CDK18: variants seen among roughly 807,000 people sequenced by gnomAD.
The protein encoded by CDK18 is cyclin-dependent kinase 18.
In CDK18, 52 loss-of-function variants were observed where a neutral mutation model predicts 62.0. The observed-to-expected ratio is 0.84, with a 90% CI of 0.67 to 1.06. CDK18 has a LOEUF of 1.06. CDK18 is among the 50% of genes least tolerant of loss of function. CDK18 has a pLI of 0.00. For synonymous variants in CDK18, 237 were observed against 247.0 expected, an observed-to-expected ratio of 0.96 and a Z score of 0.38; for missense variants, 604 against 619.9, an observed-to-expected ratio of 0.97 and a Z score of 0.27.
At chr1:205,513,915 C>G (rs973591962) in intron 1 of CDK18, among the ~76,000 whole-genome samples, 5 of 152,240 alleles carry the variant, frequency 3.3e-5, no homozygotes, top group African/African-American at 1.2e-4. Context: ...CTGCCTCAGC[C>G]CATCTCCCGC....
chr1:205,524,369 G>T lies in CDK18; in HGVS notation c.399+12G>T. 6.2e-7 allele frequency: 1 copy of T among 1,614,062 alleles called. No individual in the cohort carries two copies. Among genetic ancestry groups the T allele is most frequent in the South Asian group, 1.1e-5 (1 of 91,080 alleles). On this transcript the variant is annotated intron_variant, in intron 4 of 15. Transcript: ENST00000429964. ...GCCGGGCCTCCCTGGTGAGTCCCAA[G>T]AGGGTCAGAGGACACAAGGTGGGGT...
Position 205,528,802 on chromosome 1 carries a change from G to A in CDK18, c.975-197G>A. 2.1e-6 allele frequency: 1 copy of A among 472,062 alleles called. No individual in the cohort carries two copies. The highest frequency in any genetic ancestry group is 3.8e-6 in the Non-Finnish European group (1 of 266,104). 29.2% of individuals were successfully genotyped at this position (472,062 alleles called of 1,614,324 possible). A position where few individuals can be genotyped will look rare whatever the true frequency, so the allele number is the denominator to read the frequency against. On this transcript the variant is annotated intron_variant, in intron 10 of 15. Coordinates refer to ENST00000429964, the MANE Select transcript of CDK18 (RefSeq NM_212502.3). This position sits in a 1 kb window ranked among gnomAD's most constrained non-coding sequence, Gnocchi z 4.2. ...AAAGTCGCAGCTTTCCCGAGCCCAGGGAAGCCCCCCAGAGAGGGGCTGTAG... is the reference window on the plus strand; with the variant it reads ...AAAGTCGCAGCTTTCCCGAGCCCAGAGAAGCCCCCCAGAGAGGGGCTGTAG...
rs756309168 is a variant in CDK18, at chr1:205,528,959, G to GC, written c.975-36dup. The GC allele has an allele frequency of 2.1e-6, 3 of 1,400,620 alleles. No homozygotes were observed. The highest frequency in any genetic ancestry group is 3.0e-6 in the Non-Finnish European group (3 of 1,014,894). The allele number at this position is 1,400,620 out of a possible 1,614,324, so 86.8% of individuals were successfully genotyped here. ...TGGAGCAGCCCTAGGAAGGGCGGCC[G>GC]CCCCTGCCTGATGCCGACCCTACCC... On this transcript the variant is annotated intron_variant, in intron 10 of 15. Coordinates refer to ENST00000429964, the MANE Select transcript of CDK18 (RefSeq NM_212502.3). The surrounding 1 kb of genome is among the most constrained non-coding windows in gnomAD (Gnocchi z 4.2).
chr1:205,516,806 G>A lies in CDK18; in HGVS notation c.-21-6341G>A, dbSNP rs1387284986. 6.6e-6 allele frequency: 1 copy of A among 152,350 alleles called. No homozygotes were observed. Among genetic ancestry groups the A allele is most frequent in the Non-Finnish European group, 1.5e-5 (1 of 68,168 alleles). The allele number at this position is 152,350 out of a possible 1,614,324, so 9.4% of individuals were successfully genotyped here. On this transcript the variant is annotated intron_variant, in intron 1 of 15. Coordinates refer to ENST00000429964, the MANE Select transcript of CDK18 (RefSeq NM_212502.3). This position sits in a 1 kb window ranked among gnomAD's most constrained non-coding sequence, Gnocchi z 4.8. ...GGCCCCAGATCTTGAAGGGCCTTTG[G>A]GTGCAGGCTGGGGAATCGGGGCTTT...
At chr1:205,531,173 G>A (rs1668717563) in intron 15 of CDK18, among the ~76,000 whole-genome samples, 171 bp from the exon 16 acceptor site, 2 of 152,228 alleles carry the variant, frequency 1.3e-5, no homozygotes, top group South Asian at 4.1e-4. Context: ...AGTTCATGCA[G>A]CTAGTAAGTA....
At chr1:205,525,846 G>A (rs1007446350) in intron 5 of CDK18, among the ~76,000 whole-genome samples, 18 of 152,194 alleles carry the variant, frequency 1.2e-4, no homozygotes, top group Admixed American at 7.2e-4. Context: ...GGCACGCGGC[G>A]TGCTGGGGCT....
Position 205,515,839 on chromosome 1 carries a change from G to A in CDK18, c.-21-7308G>A, listed in dbSNP as rs1667791876. 2.0e-5 allele frequency among the ~76,000 whole-genome samples: 3 copies of A among 152,212 alleles called. No individual in the cohort carries two copies. In the South Asian group the frequency reaches 6.2e-4, roughly 31 times the overall value. ...AGGTTTGCCCAAATTGCTCCCGGAA[G>A]GCCTTCCCCGCCTACTTCCTGCATT... On this transcript the variant is annotated intron_variant, in intron 1 of 15. Coordinates refer to ENST00000429964, the MANE Select transcript of CDK18 (RefSeq NM_212502.3).
intron 8 of CDK18, 89 bp downstream of exon 8, chr1:205,526,926 G>A (rs777586549): frequency 2.0e-5 from 22 of 1,073,504 alleles, no homozygotes; most frequent in East Asian, 4.7e-5. Flanking sequence ...CCAGGGATCC[G>A]GCTGCTGAGG....
chr1:205,524,093 C>T (rs1056089146), intron 3 of CDK18, 139 bp from the exon 4 acceptor site: 1 of 1,003,718 alleles, frequency 1.0e-6, no homozygotes, highest in African/African-American at 1.6e-5. Context: ...AGCTGTGAGC[C>T]TGGGGTCACA....
At position 205,528,777 on chromosome 1, in the gene CDK18, A is replaced by T; in HGVS notation, c.975-222A>T. 2 of 470,034 alleles carry T rather than the reference A, an allele frequency of 4.3e-6. No homozygotes were observed. Among genetic ancestry groups the T allele is most frequent in the Non-Finnish European group, 7.5e-6 (2 of 265,090 alleles). The allele number at this position is 470,034 out of a possible 1,614,324, so 29.1% of individuals were successfully genotyped here. A position where few individuals can be genotyped will look rare whatever the true frequency, so the allele number is the denominator to read the frequency against. On this transcript the variant is annotated intron_variant, in intron 10 of 15. Coordinates refer to ENST00000429964, the MANE Select transcript of CDK18 (RefSeq NM_212502.3). The surrounding 1 kb of genome is among the most constrained non-coding windows in gnomAD (Gnocchi z 4.2). ...GAAAGGGGACTTTCCTCACAGAGTGAAAGTCGCAGCTTTCCCGAGCCCAGG... is the reference window on the plus strand; with the variant it reads ...GAAAGGGGACTTTCCTCACAGAGTGTAAGTCGCAGCTTTCCCGAGCCCAGG...
Position 205,531,640 on chromosome 1 carries a change from G to T in CDK18, c.*262G>T, listed in dbSNP as rs183114799. Reference sequence around the variant, plus strand: ...AGCTGCTTCCCTGAGAGGACATGAGGGGGGGGCGGTCCTCGTACCCTCTCC... The same window carrying T: ...AGCTGCTTCCCTGAGAGGACATGAGTGGGGGGCGGTCCTCGTACCCTCTCC... On this transcript the variant is annotated 3_prime_UTR_variant, in exon 16 of 16. Transcript: ENST00000429964. The T allele has an allele frequency of 1.2e-5, 6 of 481,312 alleles. No homozygotes were observed. The highest frequency in any genetic ancestry group is 7.6e-5 in the East Asian group (2 of 26,292). The allele number at this position is 481,312 out of a possible 1,614,324, so 29.8% of individuals were successfully genotyped here.
intron 1 of CDK18, among the ~76,000 whole-genome samples, chr1:205,507,613 G>A (rs967726908): frequency 1.0e-4 from 13 of 128,952 alleles, no homozygotes; most frequent in Admixed American, 2.8e-4. Flanking sequence ...CAGCCTGGGC[G>A]ACAGAGCGAG....
At chr1:205,525,897 G>A (rs960682326) in intron 5 of CDK18, among the ~76,000 whole-genome samples, 168 bp from the exon 6 acceptor site, 57 of 152,312 alleles carry the variant, frequency 3.7e-4, no homozygotes, top group African/African-American at 1.3e-3. Flanking sequence ...GAGTCATTAG[G>A]GATGCTTCCT....
chr1:205,526,492 C>T (rs1441906499), intron 7 of CDK18, 31 bp downstream of exon 7: 23 of 1,551,016 alleles, frequency 1.5e-5, no homozygotes, highest in Non-Finnish European at 1.9e-5. Flanking sequence ...GGCCGCCTCT[C>T]CCTCTTGTGG....
At position 205,526,467 on chromosome 1, in the gene CDK18, A is replaced by T; in HGVS notation, c.666+6A>T. 1 of 1,608,794 alleles carries T rather than the reference A, an allele frequency of 6.2e-7. No homozygotes were observed. Among genetic ancestry groups the T allele is most frequent in the Non-Finnish European group, 8.5e-7 (1 of 1,175,360 alleles). On this transcript the variant is annotated splice_donor_region_variant and intron_variant, in intron 7 of 15. Coordinates refer to ENST00000429964, the MANE Select transcript of CDK18 (RefSeq NM_212502.3). ...CCCTGGTGTTTGAGTACCTGGTGAG[A>T]GTCCGGCTGGGGCTGGCCGCCTCTC...
chr1:205,529,135 G>A (rs1668595518), intron 11 of CDK18, 39 bp downstream of exon 11: 3 of 1,520,290 alleles, frequency 2.0e-6, no homozygotes, highest in Non-Finnish European at 1.8e-6. Flanking sequence ...ACCACCAGGG[G>A]GCGCCGGAAC....
At chr1:205,523,387 C>A (rs752160165) in intron 2 of CDK18, 90 bp downstream of exon 2, 2 of 1,568,680 alleles carry the variant, frequency 1.3e-6, no homozygotes, top group South Asian at 1.1e-5. Flanking sequence ...TCCCCACTGG[C>A]CTTAGGGGAG....
In CDK18 at chr1:205,529,025, TG is replaced by T; in HGVS notation, c.1003del (p.Ala335ProfsTer34). 1 of 1,595,544 alleles carries T rather than the reference TG, an allele frequency of 6.3e-7. No homozygotes were observed. The highest frequency in any genetic ancestry group is 8.5e-7 in the Non-Finnish European group (1 of 1,171,696). On this transcript the variant is annotated frameshift_variant, in exon 11 of 16. Coordinates refer to ENST00000429964, the MANE Select transcript of CDK18 (RefSeq NM_212502.3). LOFTEE classifies it high-confidence loss of function. ...MWGVGCIHYEMATGRPLFPGS... is the reference protein window; with the variant it reads ...MWGVGCIHYEXATGRPLFPGS... ...GGCGTGGGCTGCATCCACTACGAGA[TG>T]GCCACAGGGAGGCCCCTCTTCCCGG...
In CDK18 at chr1:205,514,042, G is replaced by A. The variant is rs142592383; in HGVS notation, c.-21-9105G>A. ...GAGGGCTCACTTTGTCTCAGGCTTT[G>A]GGTCAGGCTCTGGGGGTGCAATGAC... is the stretch of plus-strand genomic sequence containing the variant. On this transcript the variant is annotated intron_variant, in intron 1 of 15. Coordinates refer to ENST00000429964, the MANE Select transcript of CDK18 (RefSeq NM_212502.3). 1.1e-4 allele frequency among the ~76,000 whole-genome samples: 16 copies of A among 152,352 alleles called. No homozygotes were observed. In the East Asian group the frequency reaches 3.1e-3, roughly 29 times the overall value.
Sources: allele counts gnomAD v4.1 joint callset (sites outside exome capture counted in the v4.1 genomes callset), GRCh38; gene constraint gnomAD v4.1.1; non-coding constraint Gnocchi (gnomAD v3.1); transcripts MANE v1.5; gene names NCBI Gene and HGNC (gene_info 2026-07-23, HGNC 2026-07-21).